Variants in C9 observed in about 807,000 individuals in gnomAD.
The protein encoded by C9 is complement C9, also known as complement component C9.
C9 carries 63 observed loss-of-function variants against 65.4 expected under a neutral mutation model. The ratio of observed to expected loss-of-function variants is 0.96; its 90% CI spans 0.79 to 1.19. The LOEUF (loss-of-function observed/expected upper bound fraction) is 1.19. Ranked by LOEUF, C9 falls within the 50% of genes most tolerant of loss-of-function variation. The pLI is 0.00. For synonymous variants in C9, 229 were observed against 227.9 expected (o/e 1.00, Z -0.04); for missense variants, 744 against 670.1 (o/e 1.11, Z -1.22).
chr5:39,311,028 G>T, intron 7 of C9, 109 bp downstream of exon 7: 1 of 1,252,542 alleles, frequency 8.0e-7, no homozygotes, highest in Non-Finnish European at 1.2e-6. Context: ...AAAGGAGCAG[G>T]TTACAGGGCT....
intron 4 of C9, among the ~76,000 whole-genome samples, chr5:39,334,460 C>T (rs1244141264): frequency 1.3e-5 from 2 of 150,688 alleles, no homozygotes; most frequent in Non-Finnish European, 2.9e-5. Flanking sequence ...GCCTGGCTGA[C>T]ACCCCATCTG....
chr5:39,315,743 T>C (rs1382338419), intron 6 of C9, 32 bp downstream of exon 6: 2 of 1,508,692 alleles, frequency 1.3e-6, no homozygotes, highest in Non-Finnish European at 1.8e-6. Context: ...TTGGAACCTT[T>C]CTATATTCCT....
chr5:39,343,320 C>T (rs915128670), intron 1 of C9, among the ~76,000 whole-genome samples: 1 of 152,192 alleles, frequency 6.6e-6, no homozygotes, highest in South Asian at 2.1e-4. Flanking sequence ...AATCGGGTCA[C>T]TTCCACCCCA....
At chr5:39,309,370 TGG>T (rs2111882725) in intron 7 of C9, among the ~76,000 whole-genome samples, 1 of 152,186 alleles carries the variant, frequency 6.6e-6, no homozygotes, top group African/African-American at 2.4e-5. Flanking sequence ...AGGTTAATCA[TGG>T]GGTTCTACAA....
At chr5:39,290,174 A>G (rs575646562) in intron 9 of C9, among the ~76,000 whole-genome samples, 54 of 152,000 alleles carry the variant, frequency 3.6e-4, no homozygotes, top group African/African-American at 1.3e-3. Flanking sequence ...GTTGTTCCAA[A>G]GATACAAAAT....
At chr5:39,349,226 C>T (rs2111971179) in intron 1 of C9, among the ~76,000 whole-genome samples, 1 of 151,754 alleles carries the variant, frequency 6.6e-6, no homozygotes, top group Middle Eastern at 3.4e-3. Flanking sequence ...GCCAATCTCT[C>T]CTCAAATTCT....
In C9 at chr5:39,311,298, G is replaced by A. The variant is rs765189711; in HGVS notation, c.950C>T (p.Thr317Ile). 2.5e-6 allele frequency: 4 copies of A among 1,613,592 alleles called. No individual in the cohort carries two copies. Among genetic ancestry groups the A allele is most frequent in the Non-Finnish European group, 3.4e-6 (4 of 1,179,634 alleles). Residue 317 changes from threonine to isoleucine, a missense_variant, in exon 7 of 11, where the codon ACA becomes ATA. Thr to Ile is a moderately conservative substitution (Grantham distance 89, BLOSUM62 -1). Coordinates refer to ENST00000263408, the MANE Select transcript of C9 (RefSeq NM_001737.5). ...AGCTTTTATATCATCCACAAAAGTT[G>A]TTGTGAGCACAACATCGCGATTTCT... Reference protein sequence around the residue: ...VMRNRDVVLTTTFVDDIKALP... With the variant: ...VMRNRDVVLTITFVDDIKALP...
chr5:39,345,321 G>C (rs1204118449), intron 1 of C9, among the ~76,000 whole-genome samples: 1 of 152,156 alleles, frequency 6.6e-6, no homozygotes, highest in Non-Finnish European at 1.5e-5. Flanking sequence ...TAAAGGGATG[G>C]AGGAAGATCT....
chr5:39,288,462 A>G (rs1753031654), intron 10 of C9, among the ~76,000 whole-genome samples: 1 of 151,740 alleles, frequency 6.6e-6, no homozygotes, highest in African/African-American at 2.4e-5. Flanking sequence ...TAAACCTTCT[A>G]TAAGAATATT....
At chr5:39,319,384 G>A (rs546517075) in intron 5 of C9, among the ~76,000 whole-genome samples, 7 of 151,900 alleles carry the variant, frequency 4.6e-5, no homozygotes, top group South Asian at 2.1e-4. Flanking sequence ...CCTCAGGCCC[G>A]AGGCCAGTTT....
intron 4 of C9, among the ~76,000 whole-genome samples, chr5:39,338,466 C>T (rs924997391): frequency 2.0e-5 from 3 of 152,126 alleles, no homozygotes; most frequent in African/African-American, 4.8e-5. Flanking sequence ...ATAATACCTC[C>T]TCTAACAATC....
rs375258433 is a variant in C9, at chr5:39,360,743, T to C, written c.77+3645A>G. Among the ~76,000 whole-genome samples, 13 of 152,094 alleles carry C rather than the reference T, an allele frequency of 8.5e-5. No individual in the cohort carries two copies. In the South Asian group the frequency reaches 1.7e-3, roughly 19 times the overall value. Reference sequence around the variant, plus strand: ...AAGGCAAATTAAAACCGTGCCAAAATACCTATTTTTTTTTTAACCTATGAA... The same window carrying C: ...AAGGCAAATTAAAACCGTGCCAAAACACCTATTTTTTTTTTAACCTATGAA... On this transcript the variant is annotated intron_variant, in intron 1 of 10. Coordinates refer to ENST00000263408, the MANE Select transcript of C9 (RefSeq NM_001737.5).
intron 4 of C9, among the ~76,000 whole-genome samples, chr5:39,335,846 A>G (rs1407768528): frequency 6.6e-6 from 1 of 152,114 alleles, no homozygotes; most frequent in Non-Finnish European, 1.5e-5. Flanking sequence ...AGGGGTGGGT[A>G]AATTGGGATG....
intron 4 of C9, among the ~76,000 whole-genome samples, chr5:39,335,127 T>C (rs749587611): frequency 6.6e-6 from 1 of 152,232 alleles, no homozygotes; most frequent in Non-Finnish European, 1.5e-5. Context: ...AGCTACATTT[T>C]CTTTATATGA....
At chr5:39,339,410 AT>A (rs1409102739) in intron 4 of C9, among the ~76,000 whole-genome samples, 2 of 152,152 alleles carry the variant, frequency 1.3e-5, no homozygotes, top group African/African-American at 4.8e-5. Context: ...TAGAAGTTTC[AT>A]TTGGCTTAGA....
At chr5:39,357,182 C>T (rs935058366) in intron 1 of C9, among the ~76,000 whole-genome samples, 1 of 152,162 alleles carries the variant, frequency 6.6e-6, no homozygotes, top group Non-Finnish European at 1.5e-5. Context: ...TTGTGGTAGG[C>T]CCAGACAGGA....
At chr5:39,288,983 C>A (rs769773923) in intron 9 of C9, 32 bp from the exon 10 acceptor site, 2 of 1,184,148 alleles carry the variant, frequency 1.7e-6, no homozygotes, top group South Asian at 1.2e-5. Context: ...AATTTTAGGT[C>A]CTTTTTAACT....
At chr5:39,285,730 C>T (rs1222425852) in intron 10 of C9, among the ~76,000 whole-genome samples, 1 of 149,848 alleles carries the variant, frequency 6.7e-6, no homozygotes, top group Non-Finnish European at 1.5e-5. Context: ...AGGAAGTGAG[C>T]CAGATGAATC....
At position 39,342,186 on chromosome 5, in the gene C9, C is replaced by T. The variant is rs758645158; in HGVS notation, c.88G>A (p.Glu30Lys). Reference sequence around the variant, plus strand: ...GCAGAGCCACTGCTTTCTGTTAGCTCTGGGTCATAACTAAGATAACAGAAC... The same window carrying T: ...GCAGAGCCACTGCTTTCTGTTAGCTTTGGGTCATAACTAAGATAACAGAAC... ...TAQYTTSYDP[E>K]LTESSGSASH... The change falls in exon 2 of 11, where the codon GAG (glutamate) becomes AAG (lysine). Residue 30 changes from glutamate to lysine, a missense_variant. Physicochemically the swap from Glu to Lys is moderately conservative, Grantham distance 56. Coordinates refer to ENST00000263408, the MANE Select transcript of C9 (RefSeq NM_001737.5). 2 of 1,585,606 alleles carry T rather than the reference C, an allele frequency of 1.3e-6. No homozygotes were observed. Among genetic ancestry groups the T allele is most frequent in the East Asian group, 2.2e-5 (1 of 44,730 alleles).
Sources: gnomAD v4.1 joint callset for allele counts (sites outside exome capture counted in the v4.1 genomes callset) on GRCh38, gnomAD v4.1.1 for gene constraint, MANE v1.5 for transcripts, NCBI Gene and HGNC (gene_info 2026-07-23, HGNC 2026-07-21) for gene names.